The following FAM53A variants were observed in gnomAD, a reference collection of about 807,000 sequenced individuals.
The protein encoded by FAM53A is protein FAM53A.
FAM53A carries 28 observed loss-of-function variants against 26.6 expected under a neutral mutation model. The observed-to-expected ratio is 1.05, with a 90% CI of 0.78 to 1.45. The LOEUF is 1.45. FAM53A is among the 40% of genes most tolerant of loss of function. The pLI is 0.00. For missense variants in FAM53A, 650 were observed against 575.8 expected, an observed-to-expected ratio of 1.13 and a Z score of -1.32; for synonymous variants, 290 against 253.1, an observed-to-expected ratio of 1.15 and a Z score of -1.38.
intron 1 of FAM53A, among the ~76,000 whole-genome samples, chr4:1,622,139 C>T (rs77189389): frequency 0.045 from 6,856 of 152,248 alleles, 461 homozygotes; most frequent in African/African-American, 0.15. Flanking sequence ...AAACTTGAGC[C>T]CGCCGACCCC....
intron 4 of FAM53A, among the ~76,000 whole-genome samples, chr4:1,643,990 C>G (rs553463182): frequency 2.3e-4 from 35 of 152,354 alleles, no homozygotes; most frequent in African/African-American, 7.2e-4. Flanking sequence ...GTACAAGCCC[C>G]AGGCCCGGCA....
intron 1 of FAM53A, among the ~76,000 whole-genome samples, chr4:1,622,144 G>C (rs920470146): frequency 6.6e-6 from 1 of 152,168 alleles, no homozygotes; most frequent in Non-Finnish European, 1.5e-5. Context: ...TGAGCCCGCC[G>C]ACCCCTGTTC....
At chr4:1,609,945 AG>A in the FAM53A span, among the ~76,000 whole-genome samples, 4 of 152,092 alleles carry the variant, frequency 2.6e-5, no homozygotes, top group African/African-American at 9.7e-5. Flanking sequence ...ACTGGGCAAC[AG>A]AGACTTTGTC....
At chr4:1,663,663 T>C (rs1320736041) in intron 2 of FAM53A, among the ~76,000 whole-genome samples, 1 of 151,948 alleles carries the variant, frequency 6.6e-6, no homozygotes, top group Non-Finnish European at 1.5e-5. Flanking sequence ...GAAACAGCAT[T>C]ATGTGGGTTC....
intron 1 of FAM53A, among the ~76,000 whole-genome samples, chr4:1,677,427 C>T (rs1001851007): frequency 3.3e-5 from 5 of 152,238 alleles, no homozygotes; most frequent in African/African-American, 4.8e-5. Context: ...GTATGCTTCA[C>T]CCCCAAGGGC....
the FAM53A span, among the ~76,000 whole-genome samples, chr4:1,578,497 T>TGGG: frequency 2.0e-5 from 3 of 151,226 alleles, no homozygotes; most frequent in African/African-American, 7.3e-5. Context: ...CAGGAACGTG[T>TGGG]GGGGGTAGGA....
chr4:1,662,977 G>A (rs1408114259), intron 2 of FAM53A, among the ~76,000 whole-genome samples: 3 of 152,078 alleles, frequency 2.0e-5, no homozygotes, highest in Non-Finnish European at 4.4e-5. Flanking sequence ...GGCGGATCAC[G>A]AGGTCAGGAG....
At chr4:1,658,302 G>A (rs1713566417) in intron 2 of FAM53A, among the ~76,000 whole-genome samples, 1 of 152,118 alleles carries the variant, frequency 6.6e-6, no homozygotes, top group Admixed American at 6.5e-5. Flanking sequence ...TTACAGGTGT[G>A]AGCCACCACG....
chr4:1,666,492 G>A (rs549977007), intron 2 of FAM53A, among the ~76,000 whole-genome samples: 30 of 152,328 alleles, frequency 2.0e-4, no homozygotes, highest in Non-Finnish European at 2.5e-4. Flanking sequence ...GTGGGGGCCC[G>A]TGGGTCACCC....
chr4:1,655,777 G>T (rs1402758271), intron 3 of FAM53A, 54 bp from the exon 4 acceptor site: 2 of 1,465,892 alleles, frequency 1.4e-6, no homozygotes, highest in Non-Finnish European at 1.8e-6. Context: ...CCACAGGGCA[G>T]GCGACATCCA....
At chr4:1,646,736 T>C (rs750699960) in intron 4 of FAM53A, among the ~76,000 whole-genome samples, 3 of 152,172 alleles carry the variant, frequency 2.0e-5, no homozygotes, top group Non-Finnish European at 4.4e-5. Context: ...TAGCCCATGA[T>C]GTAACTGCTG....
chr4:1,614,416 G>GCAGAGACGTGAGGGGC (rs1714734549), downstream of FAM53A, among the ~76,000 whole-genome samples: 1 of 130,956 alleles, frequency 7.6e-6, no homozygotes, highest in African/African-American at 3.5e-5. Flanking sequence ...ACGTGAGGGG[G>GCAGAGACGTGAGGGGC]ATGCAGAGAC....
intron 4 of FAM53A, among the ~76,000 whole-genome samples, chr4:1,651,677 G>A (rs1306593996): frequency 6.6e-6 from 1 of 151,390 alleles, no homozygotes; most frequent in Admixed American, 6.6e-5. Flanking sequence ...CCAGAGGACG[G>A]GACACCAGCC....
downstream of FAM53A, among the ~76,000 whole-genome samples, chr4:1,613,150 G>A (rs1401880875): frequency 6.6e-6 from 1 of 152,236 alleles, no homozygotes; most frequent in East Asian, 1.9e-4. Context: ...CTGTGCACAA[G>A]GCATGGCCAA....
At chr4:1,683,222 T>C (rs914428330) in intron 1 of FAM53A, among the ~76,000 whole-genome samples, 3 of 152,238 alleles carry the variant, frequency 2.0e-5, no homozygotes, top group African/African-American at 7.2e-5. Context: ...TGGGGTAATA[T>C]TGAAGAGCTT....
At chr4:1,582,814 C>A in the FAM53A span, among the ~76,000 whole-genome samples, 1 of 152,182 alleles carries the variant, frequency 6.6e-6, no homozygotes, top group Non-Finnish European at 1.5e-5. Context: ...ATGTTCCCCA[C>A]TGCACTCCAA....
At chr4:1,673,168 G>A (rs1304281006) in intron 1 of FAM53A, among the ~76,000 whole-genome samples, 1 of 152,162 alleles carries the variant, frequency 6.6e-6, no homozygotes, top group East Asian at 1.9e-4. Flanking sequence ...GAAGCATGGA[G>A]TCAAGAAAGA....
chr4:1,590,376 G>C, the FAM53A span, among the ~76,000 whole-genome samples: 1 of 152,112 alleles, frequency 6.6e-6, no homozygotes, highest in Non-Finnish European at 1.5e-5. Flanking sequence ...ATCTGGACAA[G>C]CTGATAAGAA....
intron 2 of FAM53A, among the ~76,000 whole-genome samples, chr4:1,658,136 G>A (rs1227568028): frequency 6.0e-5 from 9 of 149,798 alleles, no homozygotes; most frequent in African/African-American, 9.8e-5. Context: ...TCAGCCTCCC[G>A]AGTAGCTGGG....
Sources: allele counts gnomAD v4.1 joint callset (sites outside exome capture counted in the v4.1 genomes callset), GRCh38; gene constraint gnomAD v4.1.1; transcripts MANE v1.5; gene names NCBI Gene and HGNC (gene_info 2026-07-23, HGNC 2026-07-21).